The following ONECUT2 variants were observed in gnomAD, a reference collection of about 807,000 sequenced individuals.
ONECUT2 encodes one cut homeobox 2.
A neutral mutation model predicts 27.9 loss-of-function variants in ONECUT2; 10 were observed. The ratio of observed to expected loss-of-function variants is 0.36; its 90% confidence interval spans 0.22 to 0.61. The LOEUF is 0.61. Ranked by LOEUF, ONECUT2 falls within the 20% of genes least tolerant of loss-of-function variation. The pLI is 0.73. For missense variants in ONECUT2, 686 were observed against 721.0 expected, an observed-to-expected ratio of 0.95 and a Z score of 0.56; for synonymous variants, 334 against 315.1, an observed-to-expected ratio of 1.06 and a Z score of -0.64.
At chr18:57,439,452 AG>A (rs2050162007) in intron 1 of ONECUT2, among the ~76,000 whole-genome samples, 1 of 152,232 alleles carries the variant, frequency 6.6e-6, no homozygotes, top group African/African-American at 2.4e-5. Context: ...CAAGAGCTTT[AG>A]CCTTTTTATC....
intron 1 of ONECUT2, among the ~76,000 whole-genome samples, chr18:57,450,336 G>A (rs1188698216): frequency 6.6e-6 from 1 of 152,056 alleles, no homozygotes; most frequent in Non-Finnish European, 1.5e-5. Context: ...ACTATGCCTG[G>A]CTAATTTGTG....
At chr18:57,474,684 A>T (rs2050372170) in intron 1 of ONECUT2, among the ~76,000 whole-genome samples, 1 of 152,110 alleles carries the variant, frequency 6.6e-6, no homozygotes, top group South Asian at 2.1e-4. Context: ...CTTGGATGTT[A>T]GGATTGTAAC....
rs568987155 is a variant in ONECUT2 at position 57,486,545 on chromosome 18, A to G, written c.*9822A>G. The G allele has an allele frequency of 6.5e-6, 1 of 152,684 alleles. No individual in the cohort carries two copies. Among genetic ancestry groups the G allele is most frequent in the South Asian group, 2.1e-4 (1 of 4,828 alleles). 9.5% of individuals were successfully genotyped at this position (152,684 alleles called of 1,614,324 possible). A position where few individuals can be genotyped will look rare whatever the true frequency, so the allele number is the denominator to read the frequency against. On this transcript the variant is annotated 3_prime_UTR_variant, in exon 2 of 2. Transcript: ENST00000491143. ...ATACCTCATAGACAATAGTGTTTAG[A>G]GTAATGTTATTATAGCGTATGTAAT...
chr18:57,466,604 G>A (rs1447814157), intron 1 of ONECUT2, among the ~76,000 whole-genome samples: 1 of 152,206 alleles, frequency 6.6e-6, no homozygotes, highest in Non-Finnish European at 1.5e-5. Flanking sequence ...AGATGACTGG[G>A]AATTGTGATT....
In ONECUT2 at chr18:57,476,486, G is replaced by C; in HGVS notation, c.1278G>C (p.Gln426His). 6.2e-7 allele frequency: 1 copy of C among 1,614,176 alleles called. No individual in the cohort carries two copies. The highest frequency in any genetic ancestry group is 8.5e-7 in the Non-Finnish European group (1 of 1,180,006). The change falls in exon 2 of 2, where the codon CAG (glutamine) becomes CAC (histidine). Residue 426 changes from glutamine to histidine, a missense_variant. This residue lies in a region of ONECUT2 where 51 missense variants were observed against 41.3 expected (regional missense o/e 1.23). Transcript: ENST00000491143. ...CAAACAAAGACAGGAACAATTCCCA[G>C]AAGAAGTCCCGCCTGGTGTTCACTG... ...QEPNKDRNNSQKKSRLVFTDL... is the reference protein window; with the variant it reads ...QEPNKDRNNSHKKSRLVFTDL...
At chr18:57,460,771 C>G (rs895539105) in intron 1 of ONECUT2, among the ~76,000 whole-genome samples, 4 of 149,212 alleles carry the variant, frequency 2.7e-5, no homozygotes, top group East Asian at 1.9e-4. Context: ...CTCACTGCAG[C>G]CTTGACCTCC....
At chr18:57,473,936 G>A (rs1404326103) in intron 1 of ONECUT2, among the ~76,000 whole-genome samples, 1 of 152,202 alleles carries the variant, frequency 6.6e-6, no homozygotes, top group Non-Finnish European at 1.5e-5. Flanking sequence ...TAAGCTGTTG[G>A]AAGGATGGCA....
rs187584565 is a variant in ONECUT2 at position 57,479,089 on chromosome 18, T to C, written c.*2366T>C. 5.9e-5 allele frequency: 9 copies of C among 152,660 alleles called. No homozygotes were observed. Among genetic ancestry groups the C allele is most frequent in the Non-Finnish European group, 1.3e-4 (9 of 68,018 alleles). 9.5% of individuals were successfully genotyped at this position (152,660 alleles called of 1,614,324 possible). On this transcript the variant is annotated 3_prime_UTR_variant, in exon 2 of 2. Coordinates refer to ENST00000491143, the MANE Select transcript of ONECUT2 (RefSeq NM_004852.3). ...CCCTTAGACTTGGTTCCTTCTATGT[T>C]CAGAGTCTCATCATCAGGGGAAGGA...
intron 1 of ONECUT2, among the ~76,000 whole-genome samples, chr18:57,450,681 C>G (rs928829182): frequency 1.2e-4 from 18 of 152,200 alleles, no homozygotes; most frequent in African/African-American, 4.3e-4. Flanking sequence ...ATTGTGCCAG[C>G]AATTATATCA....
chr18:57,464,695 A>G (rs924693449), intron 1 of ONECUT2, among the ~76,000 whole-genome samples: 5 of 152,292 alleles, frequency 3.3e-5, no homozygotes, highest in African/African-American at 9.6e-5. Flanking sequence ...GAATGGAGAC[A>G]CCGACCCTTT....
rs960760525 is a variant in ONECUT2 at position 57,452,709 on chromosome 18, G to A, written c.1228+15765G>A. On this transcript the variant is annotated intron_variant, in intron 1 of 1. Coordinates refer to ENST00000491143, the MANE Select transcript of ONECUT2 (RefSeq NM_004852.3). ...CAAAGTGCTGGGATTACAGGCGTGCGCCACCACGCCTGGCCTCAACCTGTA... is the reference window on the plus strand; with the variant it reads ...CAAAGTGCTGGGATTACAGGCGTGCACCACCACGCCTGGCCTCAACCTGTA... Among the ~76,000 whole-genome samples the A allele has an allele frequency of 4.6e-5, 7 of 152,326 alleles. No individual in the cohort carries two copies. The East Asian group carries it at 9.6e-4, about 21-fold the overall frequency.
intron 1 of ONECUT2, among the ~76,000 whole-genome samples, chr18:57,471,114 C>T (rs1306670025): frequency 2.6e-5 from 4 of 152,224 alleles, no homozygotes; most frequent in African/African-American, 9.6e-5. Context: ...CAGTCTCACA[C>T]AATCCCTCAC....
intron 1 of ONECUT2, among the ~76,000 whole-genome samples, chr18:57,453,995 T>A (rs1405584436): frequency 1.3e-5 from 2 of 152,180 alleles, no homozygotes; most frequent in Non-Finnish European, 2.9e-5. Context: ...TCTATGGTGT[T>A]CGAGCTGTAA....
At chr18:57,475,056 A>ATTTTT (rs33961491) in intron 1 of ONECUT2, among the ~76,000 whole-genome samples, 2,210 of 125,488 alleles carry the variant, frequency 0.018, 127 homozygotes, top group African/African-American at 0.064. Context: ...ATTTCAAGTG[A>ATTTTT]TTTTTTTTTT....
intron 1 of ONECUT2, among the ~76,000 whole-genome samples, chr18:57,449,551 C>T (rs901220999): frequency 3.9e-5 from 6 of 152,110 alleles, no homozygotes; most frequent in African/African-American, 1.4e-4. Context: ...GAGTCTTATC[C>T]AAATCTTCAG....
At chr18:57,443,474 T>C (rs1304365796) in intron 1 of ONECUT2, among the ~76,000 whole-genome samples, 1 of 152,184 alleles carries the variant, frequency 6.6e-6, no homozygotes, top group Non-Finnish European at 1.5e-5. Flanking sequence ...ATTTATGCTG[T>C]CAGGTATAGA....
chr18:57,472,396 A>C (rs375098787), intron 1 of ONECUT2, among the ~76,000 whole-genome samples: 5 of 152,192 alleles, frequency 3.3e-5, no homozygotes, highest in African/African-American at 1.2e-4. Flanking sequence ...CTTTCAAGGC[A>C]GGTGTTCTCC....
rs150689904 is a variant in ONECUT2 at position 57,471,847 on chromosome 18, A to G, written c.1229-4590A>G. Among the ~76,000 whole-genome samples, 31 of 152,270 alleles carry G rather than the reference A, an allele frequency of 2.0e-4. No individual in the cohort carries two copies. In the East Asian group the frequency reaches 5.8e-3, roughly 28 times the overall value. Reference sequence around the variant, plus strand: ...AATGGAAGCGAGCGCTTGGCCTTCCATGTGGTCCTACATAGGACCTGCTTC... The same window carrying G: ...AATGGAAGCGAGCGCTTGGCCTTCCGTGTGGTCCTACATAGGACCTGCTTC... On this transcript the variant is annotated intron_variant, in intron 1 of 1. Coordinates refer to ENST00000491143, the MANE Select transcript of ONECUT2 (RefSeq NM_004852.3).
At chr18:57,460,497 A>G (rs2050284406) in intron 1 of ONECUT2, among the ~76,000 whole-genome samples, 1 of 151,834 alleles carries the variant, frequency 6.6e-6, no homozygotes, top group Non-Finnish European at 1.5e-5. Flanking sequence ...TATTTAAATT[A>G]TTTTTGCTTT....
Sources: gnomAD v4.1 joint callset for allele counts (sites outside exome capture counted in the v4.1 genomes callset) on GRCh38, gnomAD v4.1.1 for gene constraint, gnomAD v4.1.1 regional missense constraint, MANE v1.5 for transcripts, NCBI Gene and HGNC (gene_info 2026-07-23, HGNC 2026-07-21) for gene names.